ANK3: variants seen among roughly 807,000 people sequenced by gnomAD.
ANK3 encodes the protein ankyrin-3.
Under a neutral mutation model 370.9 loss-of-function variants are expected in ANK3, and 57 were observed. The ratio of observed to expected loss-of-function variants is 0.15; its 90% CI spans 0.12 to 0.19. The LOEUF (loss-of-function observed/expected upper bound fraction) is 0.19, where lower values mean the gene tolerates loss of function less well. Among genes scored for constraint, ANK3 ranks in the 10% least tolerant of loss-of-function variants. The pLI, the probability that ANK3 is intolerant of heterozygous loss-of-function variation, is 1.00. For missense variants in ANK3, 4,439 were observed against 5,302.1 expected (o/e 0.84, Z 5.06); for synonymous variants, 1,929 against 1,946.3 (o/e 0.99, Z 0.23).
intron 2 of ANK3, among the ~76,000 whole-genome samples, chr10:60,591,446 T>C (rs1340763053): frequency 6.6e-6 from 1 of 151,884 alleles, no homozygotes. Context: ...CTCAAGCAAA[T>C]ATTCTTCAAA....
In ANK3 at chr10:60,069,730, C is replaced by T. The variant is rs752168631; in HGVS notation, c.11151G>A (p.Lys3717=). ...TTCCCATTTTTATAGGCGTGCGCAA[C>T]TTGGGGTCAACTTTAGAGGTGTTAG... ...AATNTSKVDP[K]LRTPIKMGIS... is the part of the protein sequence containing the mutation. The change falls in exon 37 of 44, where the codon AAG becomes AAA. Residue 3717 remains lysine (K), a synonymous_variant. Coordinates refer to ENST00000280772, the MANE Select transcript of ANK3 (RefSeq NM_020987.5). 2 of 1,613,706 alleles carry T rather than the reference C, an allele frequency of 1.2e-6. No homozygotes were observed. The highest frequency in any genetic ancestry group is 2.2e-5 in the East Asian group (1 of 44,870).
At chr10:60,358,583 T>C (rs1362708414) in intron 1 of ANK3, among the ~76,000 whole-genome samples, 1 of 152,210 alleles carries the variant, frequency 6.6e-6, no homozygotes, top group Non-Finnish European at 1.5e-5. Context: ...TAAAATTCAA[T>C]ACACTCACAG....
chr10:60,530,270 T>C (rs2076573762), intron 2 of ANK3, among the ~76,000 whole-genome samples: 1 of 152,176 alleles, frequency 6.6e-6, no homozygotes, highest in Non-Finnish European at 1.5e-5. Flanking sequence ...TGTTCTTTTT[T>C]AAATTTTTGA....
chr10:60,457,896 G>A (rs1037007513), intron 2 of ANK3, among the ~76,000 whole-genome samples: 1 of 152,054 alleles, frequency 6.6e-6, no homozygotes, highest in Non-Finnish European at 1.5e-5. Flanking sequence ...AGAGTAGAGA[G>A]AAGACATGGC....
At chr10:60,641,525 TG>T in intron 1 of ANK3, among the ~76,000 whole-genome samples, 1 of 151,282 alleles carries the variant, frequency 6.6e-6, no homozygotes, top group South Asian at 2.1e-4. Flanking sequence ...AAACAAGCAA[TG>T]GGGAAAGGAT....
chr10:60,389,795 T>G lies in ANK3; in HGVS notation c.-257A>C, dbSNP rs896239416. ...GGAGAGTGCAGCCATCGTAATGCAT[T>G]TACCGTAGTGAAGAAGACAGCTGGG... is the stretch of plus-strand genomic sequence containing the variant. On this transcript the variant is annotated 5_prime_UTR_variant, in exon 1 of 44. Transcript: ENST00000280772. 1.2e-5 allele frequency: 15 copies of G among 1,281,390 alleles called. No homozygotes were observed. The highest frequency in any genetic ancestry group is 1.5e-5 in the Non-Finnish European group (15 of 1,011,818). The allele number at this position is 1,281,390 out of a possible 1,614,324, so 79.4% of individuals were successfully genotyped here. A position where few individuals can be genotyped will look rare whatever the true frequency, so the allele number is the denominator to read the frequency against.
At chr10:60,034,429 C>G (rs2074458633) in intron 43 of ANK3, among the ~76,000 whole-genome samples, 1 of 152,180 alleles carries the variant, frequency 6.6e-6, no homozygotes, top group Admixed American at 6.5e-5. Flanking sequence ...TTCTAACAGA[C>G]TTTTAGGCAT....
intron 1 of ANK3, among the ~76,000 whole-genome samples, chr10:60,383,407 C>G: frequency 6.6e-6 from 1 of 152,152 alleles, no homozygotes; most frequent in Non-Finnish European, 1.5e-5. Context: ...GCCTGAGGCA[C>G]AGAGAGACTA....
intron 27 of ANK3, chr10:60,108,107 A>G: frequency 2.6e-6 from 1 of 379,494 alleles, no homozygotes; most frequent in Non-Finnish European, 5.1e-6. Flanking sequence ...CAAGAATCAG[A>G]CCATGGGTGT....
At chr10:60,044,397 C>A in intron 42 of ANK3, 1 of 876,184 alleles carries the variant, frequency 1.1e-6, no homozygotes, top group Non-Finnish European at 1.4e-6. Context: ...GGAGAAATCT[C>A]CACACTACTC....
intron 43 of ANK3, among the ~76,000 whole-genome samples, chr10:60,032,618 G>A (rs1052274023): frequency 6.6e-6 from 1 of 152,008 alleles, no homozygotes; most frequent in African/African-American, 2.4e-5. Flanking sequence ...GAGTAGCAAG[G>A]CCTTTCTCTT....
chr10:60,459,826 C>T (rs1004151973), intron 2 of ANK3, among the ~76,000 whole-genome samples: 1 of 152,096 alleles, frequency 6.6e-6, no homozygotes, highest in Admixed American at 6.6e-5. Context: ...TAGACATTTG[C>T]CAATCTCCTT....
chr10:60,638,977 G>C (rs982384880), intron 1 of ANK3, among the ~76,000 whole-genome samples: 1 of 151,920 alleles, frequency 6.6e-6, no homozygotes, highest in Non-Finnish European at 1.5e-5. Flanking sequence ...AGTTATGGCT[G>C]AAAATTTTCC....
chr10:60,469,255 GTA>G lies in ANK3; in HGVS notation c.96+145929_96+145930del, dbSNP rs1161051075. 4.8e-3 allele frequency among the ~76,000 whole-genome samples: 3 copies of G among 630 alleles called. 1 individual carries two copies. Among genetic ancestry groups the G allele is most frequent in the African/African-American group, 8.8e-3 (2 of 226 alleles). The allele number at this position is 630 out of a possible 152,430, so 0.4% of individuals were successfully genotyped here. ...TATATATATACCACTTTTAGTGTGT[GTA>G]TATATATATATATACCATTTTTAGT... On this transcript the variant is annotated intron_variant, in intron 2 of 43. Coordinates refer to the ANK3 transcript ENST00000373827.
At chr10:60,658,833 AG>A (rs1564503679) in intron 1 of ANK3, among the ~76,000 whole-genome samples, 1 of 151,410 alleles carries the variant, frequency 6.6e-6, no homozygotes. Context: ...GGGGAAGGGT[AG>A]GGAGGGAAGG....
intron 2 of ANK3, among the ~76,000 whole-genome samples, chr10:60,541,141 T>C (rs79964486): frequency 0.024 from 3,635 of 151,940 alleles, 171 homozygotes; most frequent in African/African-American, 0.083. Context: ...GGAAAGAACA[T>C]ATAATATTAT....
At chr10:60,435,859 G>A (rs1173368845) in intron 2 of ANK3, among the ~76,000 whole-genome samples, 1 of 152,202 alleles carries the variant, frequency 6.6e-6, no homozygotes, top group Admixed American at 6.5e-5. Context: ...CAGCACTTTG[G>A]GAGGCCGAGG....
intron 4 of ANK3, among the ~76,000 whole-genome samples, chr10:60,274,987 T>C (rs1252026290): frequency 6.6e-6 from 1 of 152,210 alleles, no homozygotes. Flanking sequence ...ACTCAATGTG[T>C]TGTCATTAGA....
intron 2 of ANK3, among the ~76,000 whole-genome samples, chr10:60,413,151 C>T (rs577681210): frequency 6.6e-6 from 1 of 152,370 alleles, no homozygotes; most frequent in South Asian, 2.1e-4. Context: ...ATTCTAGCCA[C>T]TTCTTCCTCA....
Sources: allele counts gnomAD v4.1 joint callset (sites outside exome capture counted in the v4.1 genomes callset), GRCh38; gene constraint gnomAD v4.1.1; transcripts MANE v1.5; gene names NCBI Gene and HGNC (gene_info 2026-07-23, HGNC 2026-07-21).